TRDN: variants seen among roughly 807,000 people sequenced by gnomAD.
The protein encoded by TRDN is triadin.
A neutral mutation model predicts 149.7 loss-of-function variants in TRDN; 161 were observed. The ratio of observed to expected loss-of-function variants is 1.08; its 90% CI spans 0.95 to 1.23. The LOEUF (loss-of-function observed/expected upper bound fraction) is 1.23, where lower values mean the gene tolerates loss of function less well. Ranked by LOEUF, TRDN falls within the 50% of genes most tolerant of loss-of-function variation. The pLI, the probability that TRDN is intolerant of heterozygous loss-of-function variation, is 0.00. For missense variants in TRDN, 896 were observed against 823.5 expected, an observed-to-expected ratio of 1.09 and a Z score of -1.08; for synonymous variants, 294 against 250.5, an observed-to-expected ratio of 1.17 and a Z score of -1.64.
At chr6:123,480,663 G>A (rs1056606841) in intron 9 of TRDN, among the ~76,000 whole-genome samples, 7 of 151,962 alleles carry the variant, frequency 4.6e-5, no homozygotes, top group African/African-American at 1.7e-4. Flanking sequence ...GGAATGTGAG[G>A]GGCAACCAGA....
chr6:123,577,704 A>T (rs1444954044), intron 1 of TRDN, among the ~76,000 whole-genome samples: 1 of 152,134 alleles, frequency 6.6e-6, no homozygotes, highest in Admixed American at 6.6e-5. Context: ...TAGTTCTTTG[A>T]GGAATCACCA....
chr6:123,243,892 G>A (rs565747139), intron 38 of TRDN, among the ~76,000 whole-genome samples: 14 of 152,132 alleles, frequency 9.2e-5, no homozygotes, highest in East Asian at 1.9e-4. Context: ...TCTATTTAAC[G>A]AAATAATGGA....
At chr6:123,370,566 C>T (rs1001920018) in intron 19 of TRDN, among the ~76,000 whole-genome samples, 8 of 152,074 alleles carry the variant, frequency 5.3e-5, no homozygotes, top group Non-Finnish European at 7.4e-5. Context: ...ACATGTGTCT[C>T]CTTTTGCACA....
At chr6:123,358,068 C>T (rs1394550750) in intron 20 of TRDN, among the ~76,000 whole-genome samples, 1 of 152,120 alleles carries the variant, frequency 6.6e-6, no homozygotes, top group Non-Finnish European at 1.5e-5. Flanking sequence ...TTTTTAACTT[C>T]TTGGAGTCAA....
intron 23 of TRDN, among the ~76,000 whole-genome samples, chr6:123,324,496 A>T (rs1350983557): frequency 6.6e-6 from 1 of 151,986 alleles, no homozygotes. Flanking sequence ...AAACAAAAAA[A>T]CCTTCAAGGA....
intron 8 of TRDN, chr6:123,502,336 A>C (rs1778734434): frequency 1.2e-6 from 1 of 800,312 alleles, no homozygotes; most frequent in Non-Finnish European, 1.5e-6. Context: ...TTAACTTTTA[A>C]ATTTTTTTCA....
At chr6:123,240,777 T>G (rs899143417) in intron 38 of TRDN, among the ~76,000 whole-genome samples, 1 of 151,966 alleles carries the variant, frequency 6.6e-6, no homozygotes, top group Non-Finnish European at 1.5e-5. Context: ...GCATATGTTG[T>G]AAAGTGATAA....
intron 1 of TRDN, among the ~76,000 whole-genome samples, chr6:123,588,422 C>T (rs1019575397): frequency 1.3e-5 from 2 of 152,166 alleles, no homozygotes; most frequent in Non-Finnish European, 2.9e-5. Flanking sequence ...GGAGACATGT[C>T]TGACACCTCC....
chr6:123,460,134 T>C (rs1201033421), intron 10 of TRDN, among the ~76,000 whole-genome samples: 2 of 152,244 alleles, frequency 1.3e-5, no homozygotes, highest in Non-Finnish European at 2.9e-5. Context: ...GCTCAATTGC[T>C]TAAGCAGTAC....
chr6:123,550,692 C>T (rs899242238), intron 2 of TRDN, among the ~76,000 whole-genome samples: 3 of 151,966 alleles, frequency 2.0e-5, no homozygotes, highest in Admixed American at 1.3e-4. Flanking sequence ...ATTATATGAA[C>T]GAGAGGATTT....
At chr6:123,614,069 C>T (rs1303120727) in intron 1 of TRDN, among the ~76,000 whole-genome samples, 1 of 151,932 alleles carries the variant, frequency 6.6e-6, no homozygotes, top group African/African-American at 2.4e-5. Context: ...CTAAGACCAG[C>T]ACCTCCTCAG....
At chr6:123,579,059 T>C (rs1045505602) in intron 1 of TRDN, among the ~76,000 whole-genome samples, 5 of 152,176 alleles carry the variant, frequency 3.3e-5, no homozygotes, top group African/African-American at 4.8e-5. Flanking sequence ...GCCAAGACTA[T>C]TGATATTTTT....
chr6:123,602,933 T>TTAA (rs1784345898), intron 1 of TRDN, among the ~76,000 whole-genome samples: 5 of 140,606 alleles, frequency 3.6e-5, no homozygotes, highest in African/African-American at 1.3e-4. Context: ...GACAGTTATT[T>TTAA]AAAAAAAAAT....
chr6:123,242,125 T>C (rs963475952), intron 38 of TRDN, among the ~76,000 whole-genome samples: 1 of 152,176 alleles, frequency 6.6e-6, no homozygotes, highest in East Asian at 1.9e-4. Context: ...TTATGACTCT[T>C]CCGGTTGAAA....
Position 123,497,209 on chromosome 6 carries a change from A to G in TRDN, c.837T>C (p.His279=). The G allele has an allele frequency of 6.4e-7, 1 of 1,558,004 alleles. No homozygotes were observed. Among genetic ancestry groups the G allele is most frequent in the African/African-American group, 1.4e-5 (1 of 72,676 alleles). ...TTGGAATACCTGGTTTTAAATCCCC[A>G]TGGACAAATATGTCAATCATATATC... ...FCRYMIDIFV[H]GDLKPGQSPA... Residue 279 remains histidine (H), a synonymous_variant, in exon 9 of 41, where the codon CAT becomes CAC. Coordinates refer to ENST00000334268, the MANE Select transcript of TRDN (RefSeq NM_006073.4).
chr6:123,497,810 A>G (rs1778513186), intron 8 of TRDN, among the ~76,000 whole-genome samples: 3 of 152,194 alleles, frequency 2.0e-5, no homozygotes, highest in Admixed American at 2.0e-4. Context: ...TAAATCAAGA[A>G]CAGAGTAACA....
intron 21 of TRDN, among the ~76,000 whole-genome samples, chr6:123,343,784 T>C (rs1179475471): frequency 1.3e-5 from 2 of 152,040 alleles, no homozygotes; most frequent in East Asian, 1.9e-4. Flanking sequence ...AGTAGATTTA[T>C]GATTACAGCA....
At chr6:123,322,017 G>A (rs1779260372) in intron 23 of TRDN, among the ~76,000 whole-genome samples, 1 of 152,052 alleles carries the variant, frequency 6.6e-6, no homozygotes, top group African/African-American at 2.4e-5. Flanking sequence ...ATCTTATCTG[G>A]CTGTACATTT....
rs2114832533 is a variant in TRDN at position 123,503,647 on chromosome 6, A to G, written c.793+72T>C. 1.9e-6 allele frequency: 3 copies of G among 1,590,882 alleles called. No homozygotes were observed. The East Asian group carries it at 6.7e-5, about 36-fold the overall frequency. ...CTGATTTTGGTCTTTTTCAACTTTT[A>G]ATTTCACTGCATGTGCTTCTTGCCC... On this transcript the variant is annotated intron_variant, in intron 8 of 40. Transcript: ENST00000334268.
Sources: allele counts gnomAD v4.1 joint callset (sites outside exome capture counted in the v4.1 genomes callset), GRCh38; gene constraint gnomAD v4.1.1; transcripts MANE v1.5; gene names NCBI Gene and HGNC (gene_info 2026-07-23, HGNC 2026-07-21).